MYT1L: variants seen among roughly 807,000 people sequenced by gnomAD.
MYT1L encodes the protein myelin transcription factor 1 like, also known as myelin transcription factor 1-like protein.
A neutral mutation model predicts 126.7 loss-of-function variants in MYT1L; 12 were observed. The ratio of observed to expected loss-of-function variants is 0.09; its 90% CI spans 0.06 to 0.15. The LOEUF (loss-of-function observed/expected upper bound fraction) is 0.15, where lower values mean the gene tolerates loss of function less well. Among genes scored for constraint, MYT1L ranks in the 10% least tolerant of loss-of-function variants. The pLI, the probability that MYT1L is intolerant of heterozygous loss-of-function variation, is 1.00. For synonymous variants in MYT1L, 541 were observed against 604.2 expected (o/e 0.90, Z 1.53); for missense variants, 979 against 1,585.2 (o/e 0.62, Z 6.49).
chr2:2,085,898 G>A (rs2076306675), intron 3 of MYT1L, among the ~76,000 whole-genome samples: 1 of 152,208 alleles, frequency 6.6e-6, no homozygotes. Flanking sequence ...TTTTCATGAA[G>A]AATGCGTTTG....
chr2:2,094,223 T>C (rs564806397), intron 3 of MYT1L, among the ~76,000 whole-genome samples: 53 of 152,274 alleles, frequency 3.5e-4, no homozygotes, highest in African/African-American at 1.2e-3. Flanking sequence ...TATGAGATAC[T>C]ATCTCACACC....
At chr2:1,902,924 GCTTTCAGCTC>G (rs773413176) in intron 14 of MYT1L, 146 bp downstream of exon 14, 26 of 663,680 alleles carry the variant, frequency 3.9e-5, no homozygotes, top group Middle Eastern at 4.2e-4. Flanking sequence ...GACCTGAGGG[GCTTTCAGCTC>G]CTGGGCTGTG....
In MYT1L at chr2:1,792,872, A is replaced by AAAG. The variant is rs1553381122; in HGVS notation, c.3277-409_3277-408insCTT. Among the ~76,000 whole-genome samples the AAAG allele has an allele frequency of 4.4e-4, 5 of 11,490 alleles. 1 individual carries two copies. Among genetic ancestry groups the AAAG allele is most frequent in the African/African-American group, 2.0e-3 (5 of 2,446 alleles). 7.5% of individuals were successfully genotyped at this position (11,490 alleles called of 152,430 possible). A position where few individuals can be genotyped will look rare whatever the true frequency, so the allele number is the denominator to read the frequency against. ...GTGACAGACCGAGATTCCGTCTCAC[A>AAAG]AAAAAAAAAAAAAAAAGGAAAAGAA... On this transcript the variant is annotated intron_variant, in intron 23 of 24. Transcript: ENST00000647738.
chr2:2,002,561 C>T (rs115158080), intron 4 of MYT1L, among the ~76,000 whole-genome samples: 192 of 152,256 alleles, frequency 1.3e-3, no homozygotes, highest in African/African-American at 4.1e-3. Flanking sequence ...TGAAGGCCTT[C>T]GGTGGACCAA....
intron 1 of MYT1L, among the ~76,000 whole-genome samples, chr2:2,293,252 C>T (rs1200103917): frequency 6.6e-6 from 1 of 152,114 alleles, no homozygotes; most frequent in East Asian, 1.9e-4. Context: ...AGAAAAAGAA[C>T]AAGAACAGCA....
chr2:2,149,989 T>C (rs1210194746), intron 3 of MYT1L, among the ~76,000 whole-genome samples: 4 of 152,190 alleles, frequency 2.6e-5, no homozygotes, highest in African/African-American at 9.6e-5. Context: ...AGTGATCACA[T>C]CCAAATTCAC....
intron 3 of MYT1L, among the ~76,000 whole-genome samples, chr2:2,146,434 C>T (rs2148243918): frequency 6.6e-6 from 1 of 152,258 alleles, no homozygotes; most frequent in African/African-American, 2.4e-5. Context: ...TGGTAAGCAC[C>T]ATCCTCCTAA....
chr2:2,019,531 C>T (rs1013092975), intron 4 of MYT1L, among the ~76,000 whole-genome samples: 1 of 152,218 alleles, frequency 6.6e-6, no homozygotes, highest in Non-Finnish European at 1.5e-5. Flanking sequence ...ACCCCAAGTC[C>T]ACTTATCTCA....
chr2:1,797,567 G>A (rs1176415265), intron 23 of MYT1L, among the ~76,000 whole-genome samples: 1 of 152,174 alleles, frequency 6.6e-6, no homozygotes, highest in African/African-American at 2.4e-5. Flanking sequence ...AGACCCCGAC[G>A]CAGACTCTTC....
intron 2 of MYT1L, among the ~76,000 whole-genome samples, chr2:2,263,255 A>G (rs1308880339): frequency 1.3e-5 from 2 of 151,868 alleles, no homozygotes; most frequent in African/African-American, 4.8e-5. Context: ...AATCACTTTG[A>G]AAATGGAAGA....
intron 3 of MYT1L, among the ~76,000 whole-genome samples, chr2:2,054,760 T>C (rs1281212785): frequency 1.4e-5 from 2 of 143,268 alleles, no homozygotes; most frequent in Non-Finnish European, 3.0e-5. Context: ...GGAGATGAGA[T>C]ACATGGAAAT....
At chr2:1,798,318 G>C (rs1443082823) in intron 23 of MYT1L, among the ~76,000 whole-genome samples, 1 of 152,140 alleles carries the variant, frequency 6.6e-6, no homozygotes, top group Non-Finnish European at 1.5e-5. Context: ...AGGCTTGGAC[G>C]GAGTTTCCTT....
chr2:2,014,196 G>GTGTT (rs747934799), intron 4 of MYT1L, among the ~76,000 whole-genome samples: 1 of 137,122 alleles, frequency 7.3e-6, no homozygotes, highest in Non-Finnish European at 1.6e-5. Context: ...CAGGAATCCT[G>GTGTT]TTTTTTTTTT....
At chr2:2,127,727 G>A (rs761150031) in intron 3 of MYT1L, among the ~76,000 whole-genome samples, 2 of 152,174 alleles carry the variant, frequency 1.3e-5, no homozygotes, top group Non-Finnish European at 2.9e-5. Flanking sequence ...CTGGACCACT[G>A]AGCAAAGATG....
chr2:1,814,452 G>A (rs77473752), intron 21 of MYT1L, among the ~76,000 whole-genome samples: 17,425 of 152,174 alleles, frequency 0.11, 1,226 homozygotes, highest in East Asian at 0.23. Context: ...GTCTGAGGGT[G>A]GTTCCTCGGA....
chr2:2,095,864 TCTGA>T (rs1463771094), intron 3 of MYT1L, among the ~76,000 whole-genome samples: 1 of 152,186 alleles, frequency 6.6e-6, no homozygotes, highest in African/African-American at 2.4e-5. Flanking sequence ...TACGGCGTCC[TCTGA>T]CTATCATGCC....
chr2:2,085,398 C>T (rs2076256841), intron 3 of MYT1L, among the ~76,000 whole-genome samples: 1 of 152,114 alleles, frequency 6.6e-6, no homozygotes. Flanking sequence ...TGCCTTCATG[C>T]TTCTCTGTCT....
intron 22 of MYT1L, among the ~76,000 whole-genome samples, chr2:1,804,398 A>G (rs2035362937): frequency 6.6e-6 from 1 of 152,122 alleles, no homozygotes; most frequent in East Asian, 1.9e-4. Context: ...CTGGGATTAC[A>G]GGCGTGAGCC....
At chr2:1,988,966 T>C (rs886528436) in intron 5 of MYT1L, among the ~76,000 whole-genome samples, 1 of 152,218 alleles carries the variant, frequency 6.6e-6, no homozygotes, top group Non-Finnish European at 1.5e-5. Flanking sequence ...GCCCTTCTTA[T>C]GTAGGGTAAG....
Sources: allele counts gnomAD v4.1 joint callset (sites outside exome capture counted in the v4.1 genomes callset), GRCh38; gene constraint gnomAD v4.1.1; transcripts MANE v1.5; gene names NCBI Gene and HGNC (gene_info 2026-07-23, HGNC 2026-07-21).